The following CECR2 variants were observed in gnomAD, a reference collection of about 807,000 sequenced individuals.
CECR2 encodes the protein chromatin remodeling regulator CECR2.
A neutral mutation model predicts 154.5 loss-of-function variants in CECR2; 30 were observed. The ratio of observed to expected loss-of-function variants is 0.19; its 90% CI spans 0.15 to 0.26. The LOEUF is 0.26. Among genes scored for constraint, CECR2 ranks in the 10% least tolerant of loss-of-function variants. The pLI, the probability that CECR2 is intolerant of heterozygous loss-of-function variation, is 1.00. For missense variants in CECR2, 1,743 were observed against 1,829.3 expected (o/e 0.95, Z 0.86); for synonymous variants, 725 against 683.7 (o/e 1.06, Z -0.94).
rs200537167 is a variant in CECR2, at chr22:17,547,503, T to TA, written c.2861-644dup. On this transcript the variant is annotated intron_variant, in intron 16 of 18. Coordinates refer to ENST00000262608, the MANE Select transcript of CECR2 (RefSeq NM_001290047.2). ...CCTCGGCCTCCCAAAATGCTGGGAT[T>TA]ACAGGCGTGAGCCACCGTGCCCGGC... Among the ~76,000 whole-genome samples the TA allele has an allele frequency of 4.5e-3, 688 of 152,318 alleles. 5 individuals are homozygous for TA. Among genetic ancestry groups the TA allele is most frequent in the African/African-American group, 0.015 (624 of 41,580 alleles).
At chr22:17,365,329 A>G (rs529941376), upstream of CECR2, among the ~76,000 whole-genome samples, 5 of 152,248 alleles carry the variant, frequency 3.3e-5, no homozygotes, top group Non-Finnish European at 7.3e-5. Flanking sequence ...CAGTAATAAT[A>G]AAGCAGAGCA....
Position 17,549,793 on chromosome 22 carries a change from T to G in CECR2, c.4277+229T>G, listed in dbSNP as rs942609264. ...CCCAGCTAACTTTTTGGTTTTTTTT[T>G]TTTTTTTTTTTTGGTGGAGGTAGGG... On this transcript the variant is annotated intron_variant, in intron 17 of 18. Coordinates refer to ENST00000262608, the MANE Select transcript of CECR2 (RefSeq NM_001290047.2). Among the ~76,000 whole-genome samples the G allele has an allele frequency of 2.2e-3, 321 of 147,614 alleles. 6 individuals are homozygous for G. The highest frequency in any genetic ancestry group is 7.6e-3 in the African/African-American group (307 of 40,380).
chr22:17,504,398 G>C (rs1318198517), intron 6 of CECR2, among the ~76,000 whole-genome samples: 1 of 151,484 alleles, frequency 6.6e-6, no homozygotes, highest in African/African-American at 2.4e-5. Flanking sequence ...TTAAGTAATA[G>C]GTCTCTTTTT....
chr22:17,398,132 G>A (rs1441454310), intron 1 of CECR2, among the ~76,000 whole-genome samples: 1 of 151,566 alleles, frequency 6.6e-6, no homozygotes, highest in Non-Finnish European at 1.5e-5. Flanking sequence ...TTACAGTTGA[G>A]GAATACATTG....
intron 1 of CECR2, among the ~76,000 whole-genome samples, chr22:17,360,596 T>C (rs1217473403): frequency 1.3e-5 from 2 of 151,904 alleles, no homozygotes; most frequent in African/African-American, 2.4e-5. Flanking sequence ...AGAATCACTT[T>C]AACCTGGAAG....
rs1208546091 is a variant in CECR2 at position 17,542,414 on chromosome 22, C to G, written c.2271C>G (p.Ser757Arg). 4 of 1,613,886 alleles carry G rather than the reference C, an allele frequency of 2.5e-6. No individual in the cohort carries two copies. In the Admixed American group the frequency reaches 5.0e-5, roughly 20 times the overall value. The change falls in exon 16 of 19, where the codon AGC becomes AGG. Residue 757 changes from serine (S) to arginine (R), a missense_variant. Physicochemically the swap from Ser to Arg is moderately radical, Grantham distance 110. Transcript: ENST00000262608. ...CTGAAAGCTCAGAAATTCCTCCCAG[C>G]CATATGTATCGATCGTACAAGTACC... ...DFPESSEIPP[S>R]HMYRSYKYLN...
chr22:17,550,569 A>G (rs1302020643), intron 17 of CECR2, among the ~76,000 whole-genome samples: 1 of 152,198 alleles, frequency 6.6e-6, no homozygotes, highest in Admixed American at 6.5e-5. Flanking sequence ...TCTTTCACAC[A>G]TGCTTGTGTA....
intron 2 of CECR2, among the ~76,000 whole-genome samples, chr22:17,496,770 G>A (rs988620596): frequency 4.6e-5 from 7 of 152,158 alleles, no homozygotes; most frequent in African/African-American, 7.2e-5. Flanking sequence ...AGTTGTACGC[G>A]TAGCGGGTGA....
chr22:17,502,983 C>T (rs1569126059), intron 5 of CECR2, 99 bp from the exon 6 acceptor site: 14 of 1,017,498 alleles, frequency 1.4e-5, no homozygotes, highest in Non-Finnish European at 2.1e-5. Flanking sequence ...CATACACTCT[C>T]TTTGTGTTAA....
chr22:17,499,516 A>C lies in CECR2; in HGVS notation c.512A>C (p.Gln171Pro). 1 of 1,613,136 alleles carries C rather than the reference A, an allele frequency of 6.2e-7. No homozygotes were observed. The highest frequency in any genetic ancestry group is 8.5e-7 in the Non-Finnish European group (1 of 1,179,504). ...CGAATGTACAAAGAGGACCCGGTGCAAGGAAAATCCAATGGAGAACTCTCT... is the reference window on the plus strand; with the variant it reads ...CGAATGTACAAAGAGGACCCGGTGCCAGGAAAATCCAATGGAGAACTCTCT... Reference protein sequence around the residue: ...GTRMYKEDPVQGKSNGELSLS... With the variant: ...GTRMYKEDPVPGKSNGELSLS... Residue 171 changes from glutamine (Q) to proline (P), a missense_variant, in exon 4 of 19, where the codon CAA (glutamine) becomes CCA (proline). Physicochemically the swap from Gln to Pro is moderately conservative, Grantham distance 76. Around this residue, in one of 4 missense-constraint regions of CECR2, gnomAD observed 98 missense variants for 169.3 expected, o/e 0.58. Coordinates refer to ENST00000262608, the MANE Select transcript of CECR2 (RefSeq NM_001290047.2).
chr22:17,409,002 C>T (rs539333457), intron 1 of CECR2, among the ~76,000 whole-genome samples: 8 of 152,334 alleles, frequency 5.3e-5, no homozygotes, highest in East Asian at 1.9e-4. Flanking sequence ...TCCATAGGGC[C>T]TTTGCACCTG....
intron 2 of CECR2, among the ~76,000 whole-genome samples, chr22:17,480,347 G>A (rs565200306): frequency 1.8e-4 from 28 of 151,450 alleles, no homozygotes; most frequent in South Asian, 2.1e-4. Context: ...TGTTTAGCTC[G>A]AGTTAGCTTA....
chr22:17,423,764 G>A (rs1246443486), intron 1 of CECR2, among the ~76,000 whole-genome samples: 1 of 152,168 alleles, frequency 6.6e-6, no homozygotes, highest in Non-Finnish European at 1.5e-5. Flanking sequence ...CAGTTGTGAT[G>A]CTTGGTATTC....
chr22:17,425,021 T>C (rs2054309937), intron 1 of CECR2, among the ~76,000 whole-genome samples: 1 of 152,252 alleles, frequency 6.6e-6, no homozygotes, highest in South Asian at 2.1e-4. Flanking sequence ...GCTTCTTTCT[T>C]TACAGTGTCT....
At chr22:17,477,206 T>C (rs747354743) in intron 1 of CECR2, 2 of 706,512 alleles carry the variant, frequency 2.8e-6, no homozygotes, top group African/African-American at 3.5e-5. Flanking sequence ...TGAGCACTCC[T>C]TTCCTCTCTT....
At chr22:17,386,891 TCCA>T (rs1429562376) in intron 1 of CECR2, among the ~76,000 whole-genome samples, 1 of 152,148 alleles carries the variant, frequency 6.6e-6, no homozygotes, top group Non-Finnish European at 1.5e-5. Context: ...ACTCAGGTGA[TCCA>T]CCCGCCTCAG....
At chr22:17,528,667 C>T (rs2056304686) in intron 9 of CECR2, among the ~76,000 whole-genome samples, 1 of 152,144 alleles carries the variant, frequency 6.6e-6, no homozygotes, top group Non-Finnish European at 1.5e-5. Flanking sequence ...TCCCAAGTAG[C>T]TGTGATTACA....
intron 18 of CECR2, 131 bp downstream of exon 18, chr22:17,552,273 C>A: frequency 1.3e-6 from 1 of 750,222 alleles, no homozygotes; most frequent in Non-Finnish European, 2.2e-6. Context: ...CTGTATCGTG[C>A]TTCCTTGGCA....
At chr22:17,462,918 A>T (rs1301117893) in intron 1 of CECR2, among the ~76,000 whole-genome samples, 2 of 152,246 alleles carry the variant, frequency 1.3e-5, no homozygotes, top group East Asian at 1.9e-4. Flanking sequence ...TCTCAAAAAA[A>T]TTTATTAAAT....
Sources: gnomAD v4.1 joint callset for allele counts (sites outside exome capture counted in the v4.1 genomes callset) on GRCh38, gnomAD v4.1.1 for gene constraint, gnomAD v4.1.1 regional missense constraint, MANE v1.5 for transcripts, NCBI Gene and HGNC (gene_info 2026-07-23, HGNC 2026-07-21) for gene names.